GLT1D1: variants seen among roughly 807,000 people sequenced by gnomAD.
The protein encoded by GLT1D1 is glycosyltransferase 1 domain-containing protein 1.
In GLT1D1, 21 loss-of-function variants were observed where a neutral mutation model predicts 28.7. That is an observed-to-expected ratio of 0.73 (90% CI 0.52 to 1.05). The LOEUF is 1.05. Ranked by LOEUF, GLT1D1 falls within the 50% of genes least tolerant of loss-of-function variation. GLT1D1 has a pLI of 0.00. For synonymous variants in GLT1D1, 147 were observed against 124.8 expected, an observed-to-expected ratio of 1.18 and a Z score of -1.19; for missense variants, 343 against 330.6, an observed-to-expected ratio of 1.04 and a Z score of -0.29.
intron 4 of GLT1D1, chr12:128,945,079 C>A (rs1047814846): frequency 1.5e-6 from 1 of 672,312 alleles, no homozygotes; most frequent in South Asian, 1.8e-5. Flanking sequence ...CATGTTGTCC[C>A]GGAGCAGGTC....
At chr12:128,924,891 C>T (rs1353746046) in intron 4 of GLT1D1, among the ~76,000 whole-genome samples, 2 of 152,278 alleles carry the variant, frequency 1.3e-5, no homozygotes, top group Non-Finnish European at 2.9e-5. Context: ...CCAGGCCAGC[C>T]CCGGGTCTTG....
intron 4 of GLT1D1, among the ~76,000 whole-genome samples, chr12:128,943,854 C>T (rs1467160990): frequency 6.6e-6 from 1 of 152,234 alleles, no homozygotes; most frequent in African/African-American, 2.4e-5. Context: ...TCTTTTGTGG[C>T]ATCGATCTGT....
At position 128,899,241 on chromosome 12, in the gene GLT1D1, C is replaced by A. The variant is rs749508368; in HGVS notation, c.329C>A (p.Ala110Asp). The A allele has an allele frequency of 6.2e-7, 1 of 1,611,330 alleles. No individual in the cohort carries two copies. Among genetic ancestry groups the A allele is most frequent in the East Asian group, 2.2e-5 (1 of 44,870 alleles). ...TATTTTTGTTCATTTACTAGATTTG[C>A]TGTCGCTTTCACAGAGTCAATGAAG... The change falls in exon 4 of 8, where the codon GCT becomes GAT. Residue 110 changes from alanine to aspartate, a missense_variant. By Grantham distance (126) the Ala-to-Asp change is moderately radical (BLOSUM62 -2). Transcript: ENST00000281703.
At chr12:128,899,215 T>C (rs750979621) in intron 3 of GLT1D1, 21 bp from the exon 4 acceptor site, 1 of 1,595,478 alleles carries the variant, frequency 6.3e-7, no homozygotes, top group South Asian at 1.1e-5. Context: ...ATTGTTTCTA[T>C]TATTTTTGTT....
intron 7 of GLT1D1, among the ~76,000 whole-genome samples, chr12:128,970,897 C>T (rs1257824358): frequency 1.3e-5 from 2 of 152,220 alleles, no homozygotes; most frequent in Non-Finnish European, 2.9e-5. Flanking sequence ...CATCAGCTGT[C>T]CCTCGCAGGG....
chr12:128,919,568 G>A (rs1872443919), intron 4 of GLT1D1, among the ~76,000 whole-genome samples: 2 of 152,100 alleles, frequency 1.3e-5, no homozygotes, highest in South Asian at 4.1e-4. Context: ...CCCCTCTTAT[G>A]CTTACCATTA....
At chr12:128,900,003 G>C (rs1351558004) in intron 4 of GLT1D1, among the ~76,000 whole-genome samples, 1 of 152,184 alleles carries the variant, frequency 6.6e-6, no homozygotes, top group Non-Finnish European at 1.5e-5. Context: ...AAACAGTCAA[G>C]AGTTTGTAGA....
chr12:128,945,040 T>C (rs1336644523), intron 4 of GLT1D1: 5 of 634,804 alleles, frequency 7.9e-6, no homozygotes, highest in East Asian at 2.7e-5. Flanking sequence ...AGTGAGAACA[T>C]GTAACAGGCC....
chr12:128,927,999 C>CAAAAAAAAAAAAAAAAAAAA (rs938188484), intron 4 of GLT1D1, among the ~76,000 whole-genome samples: 1 of 42,250 alleles, frequency 2.4e-5, no homozygotes, highest in African/African-American at 1.1e-4. Context: ...GACTCTGTCT[C>CAAAAAAAAAAAAAAAAAAAA]AAAAAAAAAA....
At chr12:128,912,581 T>C (rs576757785) in intron 4 of GLT1D1, 121 bp downstream of exon 5, 10 of 384,560 alleles carry the variant, frequency 2.6e-5, no homozygotes, top group African/African-American at 2.1e-4. Flanking sequence ...GTTTGCATCC[T>C]TAAGAGACAC....
chr12:128,965,914 T>C (rs1159608717), intron 7 of GLT1D1, among the ~76,000 whole-genome samples: 3 of 128,168 alleles, frequency 2.3e-5, no homozygotes, highest in Non-Finnish European at 5.7e-5. Flanking sequence ...AAAAGAGAAC[T>C]AGCTCCAGGA....
At chr12:128,896,927 A>G (rs1464674942) in intron 3 of GLT1D1, among the ~76,000 whole-genome samples, 3 of 152,218 alleles carry the variant, frequency 2.0e-5, no homozygotes, top group African/African-American at 7.2e-5. Flanking sequence ...TTGAATTCAT[A>G]GAGGTAGAAT....
chr12:128,952,252 C>G (rs937131404), intron 6 of GLT1D1, among the ~76,000 whole-genome samples: 11 of 151,824 alleles, frequency 7.2e-5, no homozygotes, highest in Admixed American at 1.3e-4. Flanking sequence ...AGCAGCACGA[C>G]GTGACAGTGG....
intron 1 of GLT1D1, among the ~76,000 whole-genome samples, chr12:128,867,884 A>G (rs1346554172): frequency 1.3e-5 from 2 of 152,204 alleles, no homozygotes; most frequent in African/African-American, 2.4e-5. Context: ...GAGGAGGCCA[A>G]AGGACTCATA....
chr12:128,925,897 AG>A (rs1172291836), intron 4 of GLT1D1, among the ~76,000 whole-genome samples: 1 of 152,170 alleles, frequency 6.6e-6, no homozygotes, highest in African/African-American at 2.4e-5. Flanking sequence ...TTAATATAAA[AG>A]TAAGAGTAGG....
At chr12:128,855,991 A>G (rs1220489507) in intron 1 of GLT1D1, among the ~76,000 whole-genome samples, 2 of 152,012 alleles carry the variant, frequency 1.3e-5, no homozygotes, top group Admixed American at 6.6e-5. Context: ...ACCTCACGTG[A>G]TCCTTTGGTC....
chr12:128,879,468 G>T (rs1396498368), intron 2 of GLT1D1, among the ~76,000 whole-genome samples: 2 of 54,800 alleles, frequency 3.6e-5, no homozygotes, highest in Admixed American at 2.3e-4. Flanking sequence ...CTTTTTTTTG[G>T]GGGGGTGGGC....
chr12:128,903,089 C>T (rs1371856145), intron 4 of GLT1D1, among the ~76,000 whole-genome samples: 1 of 151,616 alleles, frequency 6.6e-6, no homozygotes, highest in Non-Finnish European at 1.5e-5. Flanking sequence ...AATTCATTGC[C>T]CTTTTCTCTA....
chr12:128,908,950 A>T (rs1485164856), intron 4 of GLT1D1, among the ~76,000 whole-genome samples: 2 of 151,078 alleles, frequency 1.3e-5, no homozygotes, highest in Non-Finnish European at 2.9e-5. Context: ...CTCCGTCTCA[A>T]AAATAAATAA....
Sources: allele counts gnomAD v4.1 joint callset (sites outside exome capture counted in the v4.1 genomes callset), GRCh38; gene constraint gnomAD v4.1.1; transcripts MANE v1.5; gene names NCBI Gene and HGNC (gene_info 2026-07-23, HGNC 2026-07-21).